Variants in CWC22 observed in about 807,000 individuals in gnomAD.
CWC22 encodes the protein pre-mRNA-splicing factor CWC22 homolog.
CWC22 carries 53 observed loss-of-function variants against 117.2 expected under a neutral mutation model. The observed-to-expected ratio is 0.45, with a 90% CI of 0.36 to 0.57. The LOEUF is 0.57. CWC22 is among the 20% of genes least tolerant of loss of function. CWC22 has a pLI of 0.00. For synonymous variants in CWC22, 360 were observed against 355.6 expected, an observed-to-expected ratio of 1.01 and a Z score of -0.14; for missense variants, 980 against 1,068.8, an observed-to-expected ratio of 0.92 and a Z score of 1.16.
intron 2 of CWC22, among the ~76,000 whole-genome samples, chr2:179,992,755 C>G (rs1303216481): frequency 6.6e-6 from 1 of 152,200 alleles, no homozygotes; most frequent in African/African-American, 2.4e-5. Flanking sequence ...ACATATAAAA[C>G]TATTTTGTTC....
In CWC22 at chr2:179,988,598, C is replaced by A; in HGVS notation, c.74G>T (p.Arg25Met). The A allele has an allele frequency of 2.0e-6, 3 of 1,528,544 alleles. No individual in the cohort carries two copies. The highest frequency in any genetic ancestry group is 2.7e-6 in the Non-Finnish European group (3 of 1,128,984). 94.7% of individuals were successfully genotyped at this position (1,528,544 alleles called of 1,614,324 possible). A position where few individuals can be genotyped will look rare whatever the true frequency, so the allele number is the denominator to read the frequency against. The change falls in exon 3 of 20, where the codon AGG becomes ATG. Residue 25 changes from arginine (R) to methionine (M), a missense_variant. Around this residue, in one of 3 missense-constraint regions of CWC22, gnomAD observed 559 missense variants for 602.3 expected, o/e 0.93. Transcript: ENST00000410053. The part of the protein sequence containing the change: ...DRRENLNSYQ[R>M]NSSPEDRYEE... ...TTACCTGTCTTCTGGAGAGGAGTTC[C>A]TCTGATATGAATTAAGGTTTTCCCT...
chr2:179,945,785 T>A (rs1473629064), intron 19 of CWC22, 70 bp from the exon 20 acceptor site: 2 of 970,230 alleles, frequency 2.1e-6, no homozygotes, highest in Non-Finnish European at 3.0e-6. Flanking sequence ...ACAATCACAT[T>A]TACTGATACA....
intron 5 of CWC22, 77 bp from the exon 6 acceptor site, chr2:179,978,395 A>G (rs1480817625): frequency 1.5e-6 from 2 of 1,333,426 alleles, no homozygotes; most frequent in Admixed American, 3.8e-5. Context: ...AAAACTACAT[A>G]GTGCTCCTTA....
In CWC22 at chr2:179,992,940, T is replaced by G. The variant is rs76995189; in HGVS notation, c.27+375A>C. 4.1e-4 allele frequency among the ~76,000 whole-genome samples: 63 copies of G among 152,338 alleles called. 2 individuals are homozygous for G. In the East Asian group the frequency reaches 6.4e-3, roughly 15 times the overall value. ...TTTCCCTGCACTGTTTGTTACTTGT[T>G]TTTCTTTTACATGTGATCATTCACA... On this transcript the variant is annotated intron_variant, in intron 2 of 19. Transcript: ENST00000410053.
At chr2:180,000,521 A>G (rs978911732) in intron 1 of CWC22, among the ~76,000 whole-genome samples, 2 of 152,356 alleles carry the variant, frequency 1.3e-5, no homozygotes, top group African/African-American at 2.4e-5. Context: ...GTTTTCTAAA[A>G]TCTACAAGAT....
At position 179,954,314 on chromosome 2, in the gene CWC22, C is replaced by T. The variant is rs1313464629; in HGVS notation, c.1580G>A (p.Gly527Asp). The T allele has an allele frequency of 9.4e-6, 15 of 1,601,106 alleles. No homozygotes were observed. Among genetic ancestry groups the T allele is most frequent in the Admixed American group, 1.7e-5 (1 of 59,536 alleles). Residue 527 changes from glycine to aspartate, a missense_variant, in exon 16 of 20, where the codon GGT (glycine) becomes GAT (aspartate). Coordinates refer to ENST00000410053, the MANE Select transcript of CWC22 (RefSeq NM_020943.3). Reference sequence around the variant, plus strand: ...GGTATCATACTGTTCTTTGAATATACCTTCAAAGGATTCCATGTACTCTTT... The same window carrying T: ...GGTATCATACTGTTCTTTGAATATATCTTCAAAGGATTCCATGTACTCTTT... ...LKKEYMESFEGIFKEQYDTIH... is the reference protein window; with the variant it reads ...LKKEYMESFEDIFKEQYDTIH...
Position 179,970,808 on chromosome 2 carries a change from T to C in CWC22, c.989A>G (p.Lys330Arg), listed in dbSNP as rs1488875228. 8.7e-6 allele frequency: 14 copies of C among 1,613,774 alleles called. No homozygotes were observed. The African/African-American group carries it at 9.3e-5, about 11-fold the overall frequency. Residue 330 changes from lysine (K) to arginine (R), a missense_variant, in exon 10 of 20, where the codon AAA (lysine) becomes AGA (arginine). Physicochemically the swap from Lys to Arg is conservative, Grantham distance 26. This residue lies in a region of CWC22 where 559 missense variants were observed against 602.3 expected (regional missense o/e 0.93). Transcript: ENST00000410053. Reference protein sequence around the residue: ...RNILHESEIDKRVQYMIEVMF... With the variant: ...RNILHESEIDRRVQYMIEVMF... Reference sequence around the variant, plus strand: ...CACTTCAATCATATATTGAACTCTTTTGTCAATTTCAGACTCATGCAGAAT... The same window carrying C: ...CACTTCAATCATATATTGAACTCTTCTGTCAATTTCAGACTCATGCAGAAT...
intron 1 of CWC22, among the ~76,000 whole-genome samples, chr2:179,997,977 T>C (rs1415543852): frequency 1.3e-5 from 2 of 152,192 alleles, no homozygotes; most frequent in Non-Finnish European, 2.9e-5. Flanking sequence ...AAAAAATGCA[T>C]GACAGGAGAA....
At chr2:179,962,304 A>G (rs921248909) in intron 13 of CWC22, among the ~76,000 whole-genome samples, 2 of 152,188 alleles carry the variant, frequency 1.3e-5, no homozygotes, top group African/African-American at 4.8e-5. Context: ...TTTGTTCACA[A>G]GATTTTCAAA....
chr2:179,980,879 T>C (rs975185216), intron 5 of CWC22, among the ~76,000 whole-genome samples: 4 of 152,204 alleles, frequency 2.6e-5, no homozygotes, highest in Admixed American at 1.3e-4. Context: ...TGAATAATCA[T>C]TTCAATCTGG....
intron 11 of CWC22, among the ~76,000 whole-genome samples, chr2:179,967,681 T>C (rs778775960): frequency 2.6e-4 from 40 of 152,202 alleles, no homozygotes; most frequent in Admixed American, 1.9e-3. Flanking sequence ...GCCCTGAATA[T>C]AGGACTTTAT....
rs1403557155 is a variant in CWC22, at chr2:179,988,656, G to A, written c.28-12C>T. 2.7e-5 allele frequency: 39 copies of A among 1,428,930 alleles called. No individual in the cohort carries two copies. The East Asian group carries it at 6.5e-4, about 24-fold the overall frequency. 88.5% of individuals were successfully genotyped at this position (1,428,930 alleles called of 1,614,324 possible). Reference sequence around the variant, plus strand: ...TGACCAGAAGAAGGCTTTAAAAGAGGAAAAGGGGAAAACATTTCAAAAATT... The same window carrying A: ...TGACCAGAAGAAGGCTTTAAAAGAGAAAAAGGGGAAAACATTTCAAAAATT... On this transcript the variant is annotated splice_polypyrimidine_tract_variant and intron_variant, in intron 2 of 19. Transcript: ENST00000410053.
At chr2:179,967,200 G>A (rs538598403) in intron 11 of CWC22, among the ~76,000 whole-genome samples, 50 of 152,250 alleles carry the variant, frequency 3.3e-4, no homozygotes, top group African/African-American at 1.1e-3. Context: ...TACTAAAGCT[G>A]TGCCCACTTC....
At chr2:179,978,775 T>C (rs2105537276) in intron 5 of CWC22, among the ~76,000 whole-genome samples, 3 of 152,236 alleles carry the variant, frequency 2.0e-5, no homozygotes, top group Admixed American at 2.0e-4. Context: ...CATAAAAAGA[T>C]GACAGAGACA....
At chr2:180,002,447 G>A (rs1687869840) in intron 1 of CWC22, among the ~76,000 whole-genome samples, 1 of 152,210 alleles carries the variant, frequency 6.6e-6, no homozygotes, top group Non-Finnish European at 1.5e-5. Context: ...GGGCAACATA[G>A]TGAGATCCCA....
intron 2 of CWC22, among the ~76,000 whole-genome samples, chr2:179,992,518 C>T (rs1460446790): frequency 2.0e-5 from 3 of 152,122 alleles, no homozygotes; most frequent in Admixed American, 2.0e-4. Flanking sequence ...AAAACTGCAA[C>T]CCCTCAATGT....
At position 179,950,666 on chromosome 2, in the gene CWC22, C is replaced by G. The variant is rs1449675218; in HGVS notation, c.1986G>C (p.Glu662Asp). The change falls in exon 19 of 20, where the codon GAG (glutamate) becomes GAC (aspartate). Residue 662 changes from glutamate to aspartate, a missense_variant. By Grantham distance (45) the Glu-to-Asp change is conservative. Around this residue, in one of 3 missense-constraint regions of CWC22, gnomAD observed 306 missense variants for 296.8 expected, o/e 1.03. Coordinates refer to ENST00000410053, the MANE Select transcript of CWC22 (RefSeq NM_020943.3). ...AAGAGGATGGGGAGGATTTATTTTGCTCAACATCTGGTTTCTGCGCCACAA... is the reference window on the plus strand; with the variant it reads ...AAGAGGATGGGGAGGATTTATTTTGGTCAACATCTGGTTTCTGCGCCACAA... ...KVIVAQKPDV[E>D]QNKSSPSSSS... The G allele has an allele frequency of 1.2e-5, 19 of 1,613,610 alleles. No individual in the cohort carries two copies. Among genetic ancestry groups the G allele is most frequent in the Non-Finnish European group, 1.3e-5 (15 of 1,179,638 alleles).
chr2:179,960,626 T>C (rs561227528), intron 13 of CWC22, among the ~76,000 whole-genome samples: 2 of 152,120 alleles, frequency 1.3e-5, no homozygotes, highest in East Asian at 3.9e-4. Flanking sequence ...CAATCTAATA[T>C]GACTCTCATT....
chr2:179,995,757 A>G (rs1048775438), intron 1 of CWC22, among the ~76,000 whole-genome samples: 1 of 152,234 alleles, frequency 6.6e-6, no homozygotes, highest in African/African-American at 2.4e-5. Context: ...AAGGAGCAAC[A>G]TGAGTGAGTT....
Sources: allele counts gnomAD v4.1 joint callset (sites outside exome capture counted in the v4.1 genomes callset), GRCh38; gene constraint gnomAD v4.1.1; regional missense constraint gnomAD v4.1.1; transcripts MANE v1.5; gene names NCBI Gene and HGNC (gene_info 2026-07-23, HGNC 2026-07-21).